The following MFAP3L variants were observed in gnomAD, a reference collection of about 807,000 sequenced individuals.
The protein encoded by MFAP3L is microfibril associated protein 3 like, also known as microfibrillar-associated protein 3-like.
Under a neutral mutation model 20.0 loss-of-function variants are expected in MFAP3L, and 5 were observed. That is an observed-to-expected ratio of 0.25 (90% CI 0.13 to 0.53). The LOEUF is 0.53. Among genes scored for constraint, MFAP3L ranks in the 20% least tolerant of loss-of-function variants. MFAP3L has a pLI of 0.96. For missense variants in MFAP3L, 409 were observed against 527.5 expected (o/e 0.78, Z 2.20); for synonymous variants, 219 against 213.0 (o/e 1.03, Z -0.25).
At chr4:170,006,094 T>A in intron 1 of MFAP3L, 84 bp from the exon 2 acceptor site, 2 of 1,049,832 alleles carry the variant, frequency 1.9e-6, no homozygotes, top group African/African-American at 1.6e-5. Flanking sequence ...GCAATGCAGC[T>A]AAAATACAAA....
At chr4:170,001,972 G>C (rs753492555) in intron 2 of MFAP3L, 171 of 985,312 alleles carry the variant, frequency 1.7e-4, no homozygotes, top group Non-Finnish European at 1.9e-4. Flanking sequence ...CACCTTTTCA[G>C]CAGAAACGAG....
At chr4:170,018,666 A>G (rs1471131790) in intron 1 of MFAP3L, among the ~76,000 whole-genome samples, 1 of 152,126 alleles carries the variant, frequency 6.6e-6, no homozygotes, top group East Asian at 1.9e-4. Flanking sequence ...ATGAATTTCA[A>G]GGTCCTCAAA....
At chr4:169,998,734 G>A (rs559441186) in intron 2 of MFAP3L, among the ~76,000 whole-genome samples, 1 of 152,262 alleles carries the variant, frequency 6.6e-6, no homozygotes, top group East Asian at 1.9e-4. Context: ...CTGTATTAAC[G>A]ATCCTGTTTA....
chr4:170,007,639 C>A (rs1405864217), intron 1 of MFAP3L, among the ~76,000 whole-genome samples: 1 of 152,136 alleles, frequency 6.6e-6, no homozygotes, highest in Non-Finnish European at 1.5e-5. Flanking sequence ...AAAGCCAGAT[C>A]TTGAGTTTTG....
chr4:170,003,779 T>TG, intron 2 of MFAP3L: 1 of 985,486 alleles, frequency 1.0e-6, no homozygotes, highest in Non-Finnish European at 1.2e-6. Flanking sequence ...CAGAAAGACC[T>TG]GCTAAGGTAC....
At chr4:169,998,538 T>A (rs1204355445) in intron 2 of MFAP3L, among the ~76,000 whole-genome samples, 2 of 152,194 alleles carry the variant, frequency 1.3e-5, no homozygotes, top group African/African-American at 4.8e-5. Flanking sequence ...CTTTCCAGGT[T>A]TACCTTAGGA....
chr4:170,026,602 G>C (rs1298067566), upstream of MFAP3L, among the ~76,000 whole-genome samples: 1 of 151,870 alleles, frequency 6.6e-6, no homozygotes, highest in Non-Finnish European at 1.5e-5. Flanking sequence ...GGAGGCTGTA[G>C]TTGCCGGGGA....
intron 2 of MFAP3L, among the ~76,000 whole-genome samples, chr4:170,000,873 C>T (rs756730264): frequency 2.2e-4 from 34 of 152,084 alleles, no homozygotes; most frequent in Non-Finnish European, 2.9e-4. Flanking sequence ...CAGGTATGTG[C>T]CACCAAGCCC....
Position 170,026,308 on chromosome 4 carries a change from G to A in MFAP3L, c.-208C>T, listed in dbSNP as rs1730406582. The A allele has an allele frequency of 1.0e-6, 1 of 983,178 alleles. No homozygotes were observed. Among genetic ancestry groups the A allele is most frequent in the South Asian group, 4.7e-5 (1 of 21,272 alleles). The allele number at this position is 983,178 out of a possible 1,614,324, so 60.9% of individuals were successfully genotyped here. A position where few individuals can be genotyped will look rare whatever the true frequency, so the allele number is the denominator to read the frequency against. ...CCAGCCCGACAGCGGCCGCTGCGCCGCACTCTGCGCCGGACGCCCGGTAGC... is the reference window on the plus strand; with the variant it reads ...CCAGCCCGACAGCGGCCGCTGCGCCACACTCTGCGCCGGACGCCCGGTAGC... On this transcript the variant is annotated 5_prime_UTR_variant, in exon 1 of 3. Transcript: ENST00000361618.
intron 2 of MFAP3L, among the ~76,000 whole-genome samples, chr4:169,999,677 G>T (rs1300428055): frequency 2.6e-5 from 4 of 152,104 alleles, no homozygotes; most frequent in Non-Finnish European, 5.9e-5. Flanking sequence ...AAGCTATCTG[G>T]GCTCACATCC....
At chr4:170,020,054 C>T (rs1739930972) in intron 1 of MFAP3L, among the ~76,000 whole-genome samples, 1 of 152,182 alleles carries the variant, frequency 6.6e-6, no homozygotes, top group Non-Finnish European at 1.5e-5. Context: ...CTTCTTCCCT[C>T]GCATGTGGTG....
chr4:170,000,556 TTA>T (rs1225057181), intron 2 of MFAP3L, among the ~76,000 whole-genome samples: 2 of 152,198 alleles, frequency 1.3e-5, no homozygotes, highest in African/African-American at 4.8e-5. Flanking sequence ...TAAAAAAGGA[TTA>T]TCTCTATTTC....
chr4:170,019,411 G>T (rs1739892249), intron 1 of MFAP3L, among the ~76,000 whole-genome samples: 1 of 152,106 alleles, frequency 6.6e-6, no homozygotes, highest in South Asian at 2.1e-4. Context: ...GAGCATGGTG[G>T]CATGCACCTG....
In MFAP3L at chr4:169,991,597, C is replaced by T. The variant is rs1332527275; in HGVS notation, c.1011G>A (p.Gln337=). The change falls in exon 3 of 3, where the codon CAG becomes CAA. Residue 337 remains glutamine, a synonymous_variant. Transcript: ENST00000361618. This position sits in a 1 kb window ranked among gnomAD's most constrained non-coding sequence, Gnocchi z 4.9. ...KEHADDQEGG[Q]FEVKDVEETE... ...TCTCCTCTACATCTTTGACTTCAAA[C>T]TGTCCACCCTCTTGGTCATCTGCAT... 2 of 1,614,100 alleles carry T rather than the reference C, an allele frequency of 1.2e-6. No homozygotes were observed. Among genetic ancestry groups the T allele is most frequent in the Non-Finnish European group, 1.7e-6 (2 of 1,180,054 alleles).
intron 1 of MFAP3L, among the ~76,000 whole-genome samples, chr4:170,007,804 T>C (rs1023828272): frequency 6.6e-6 from 1 of 152,132 alleles, no homozygotes; most frequent in Non-Finnish European, 1.5e-5. Context: ...CATTATTGAC[T>C]CCCTGGTGCC....
rs532948403 is a variant in MFAP3L at position 170,002,168 on chromosome 4, T to A, written c.298+3412A>T. ...AGTGAGGATGCCTTTTCCATCTAGT[T>A]CTTCTCATATTCACTCAGTCTGAGT... is the stretch of plus-strand genomic sequence containing the variant. On this transcript the variant is annotated intron_variant, in intron 2 of 2. Coordinates refer to ENST00000361618, the MANE Select transcript of MFAP3L (RefSeq NM_021647.8). 13 of 926,984 alleles carry A rather than the reference T, an allele frequency of 1.4e-5. No homozygotes were observed. The South Asian group carries it at 2.0e-4, about 15-fold the overall frequency. The allele number at this position is 926,984 out of a possible 1,614,324, so 57.4% of individuals were successfully genotyped here. A position where few individuals can be genotyped will look rare whatever the true frequency, so the allele number is the denominator to read the frequency against.
intron 2 of MFAP3L, among the ~76,000 whole-genome samples, chr4:169,996,253 T>C (rs1198906529): frequency 1.5e-5 from 2 of 137,444 alleles, no homozygotes; most frequent in South Asian, 2.1e-4. Flanking sequence ...TGAGCTGTAC[T>C]GCAGGGCATG....
Position 169,991,872 on chromosome 4 carries a change from G to A in MFAP3L, c.736C>T (p.Leu246Phe). Residue 246 changes from leucine to phenylalanine, a missense_variant, in exon 3 of 3, where the codon CTC becomes TTC. Coordinates refer to ENST00000361618, the MANE Select transcript of MFAP3L (RefSeq NM_021647.8). The surrounding 1 kb of genome is among the most constrained non-coding windows in gnomAD (Gnocchi z 4.9). ...ELARSVPLPP[L>F]IMNCRTIMEE... Reference sequence around the variant, plus strand: ...ATGATAGTCCTGCAGTTCATAATGAGAGGCGGCAGAGGCACGCTCCTGGCA... The same window carrying A: ...ATGATAGTCCTGCAGTTCATAATGAAAGGCGGCAGAGGCACGCTCCTGGCA... The A allele has an allele frequency of 1.9e-6, 3 of 1,614,156 alleles. No homozygotes were observed. The highest frequency in any genetic ancestry group is 2.2e-5 in the East Asian group (1 of 44,866).
In MFAP3L at chr4:169,991,442, T is replaced by TC. The variant is rs1737660233; in HGVS notation, c.1165dup (p.Glu389GlyfsTer10). The TC allele has an allele frequency of 1.2e-6, 2 of 1,614,178 alleles. No homozygotes were observed. Among genetic ancestry groups the TC allele is most frequent in the Middle Eastern group, 1.6e-4 (1 of 6,062 alleles). Reference sequence around the variant, plus strand: ...ATGTGTCACTGCTGGCTCTGTGGCTTCCAGGTAAGCTGGCGGCAGTACCTT... The same window carrying TC: ...ATGTGTCACTGCTGGCTCTGTGGCTTCCCAGGTAAGCTGGCGGCAGTACCTT... On this transcript the variant is annotated frameshift_variant, in exon 3 of 3. Transcript: ENST00000361618. LOFTEE classifies it high-confidence loss of function. The surrounding 1 kb of genome is among the most constrained non-coding windows in gnomAD (Gnocchi z 4.9).
Sources: allele counts gnomAD v4.1 joint callset (sites outside exome capture counted in the v4.1 genomes callset), GRCh38; gene constraint gnomAD v4.1.1; non-coding constraint Gnocchi (gnomAD v3.1); transcripts MANE v1.5; gene names NCBI Gene and HGNC (gene_info 2026-07-23, HGNC 2026-07-21).